Variants in WDR43 observed in about 807,000 individuals in gnomAD.
WDR43 encodes the protein WD repeat-containing protein 43.
In WDR43, 13 loss-of-function variants were observed where a neutral mutation model predicts 91.4. That is an observed-to-expected ratio of 0.14 (90% CI 0.09 to 0.23). WDR43 has a LOEUF of 0.23. Among genes scored for constraint, WDR43 ranks in the 10% least tolerant of loss-of-function variants. WDR43 has a pLI of 1.00. For synonymous variants in WDR43, 331 were observed against 287.9 expected (o/e 1.15, Z -1.51); for missense variants, 780 against 809.4 (o/e 0.96, Z 0.44).
At chr2:28,895,233 C>T (rs1173647662) in intron 1 of WDR43, 1 of 281,242 alleles carries the variant, frequency 3.6e-6, no homozygotes, top group Non-Finnish European at 6.6e-6. Flanking sequence ...CCCCCTGGGG[C>T]GGCTTCCTTC....
chr2:28,930,603 C>A (rs1671220221), intron 11 of WDR43, among the ~76,000 whole-genome samples: 3 of 151,950 alleles, frequency 2.0e-5, no homozygotes, highest in African/African-American at 7.3e-5. Context: ...GGCATAGAAA[C>A]CTGGGTGAAG....
rs563239354 is a variant in WDR43 at position 28,925,831 on chromosome 2, T to C, written c.1087-637T>C. On this transcript the variant is annotated intron_variant, in intron 8 of 17. Transcript: ENST00000407426. ...AAAAAAGGAGAAAAGTGTTAAGCTG[T>C]AAACATGGCTCCTTGCCATATGTGA... is the stretch of plus-strand genomic sequence containing the variant. Among the ~76,000 whole-genome samples, 99 of 152,360 alleles carry C rather than the reference T, an allele frequency of 6.5e-4. No individual in the cohort carries two copies. In the South Asian group the frequency reaches 0.013, roughly 19 times the overall value.
At chr2:28,941,736 G>T (rs1442992443) in intron 15 of WDR43, among the ~76,000 whole-genome samples, 162 bp downstream of exon 15, 1 of 152,142 alleles carries the variant, frequency 6.6e-6, no homozygotes, top group Non-Finnish European at 1.5e-5. Context: ...CTCCCAAGTA[G>T]CTGGGACTAC....
chr2:28,946,202 A>G (rs1300462483), intron 16 of WDR43, among the ~76,000 whole-genome samples: 2 of 152,090 alleles, frequency 1.3e-5, no homozygotes, highest in East Asian at 1.9e-4. Context: ...GCGGCTACTC[A>G]GGAGGCTGAG....
chr2:28,936,823 T>C, intron 12 of WDR43, 99 bp from the exon 13 acceptor site: 1 of 1,100,224 alleles, frequency 9.1e-7, no homozygotes. Context: ...GACTACTTAT[T>C]AGAATAATAA....
intron 13 of WDR43, 114 bp downstream of exon 13, chr2:28,937,067 C>A: frequency 2.1e-6 from 2 of 945,370 alleles, no homozygotes; most frequent in Non-Finnish European, 3.1e-6. Context: ...ATTAACCCCT[C>A]GCCACCTCCC....
chr2:28,930,955 C>T (rs184613994), intron 11 of WDR43, among the ~76,000 whole-genome samples: 1 of 152,136 alleles, frequency 6.6e-6, no homozygotes, highest in Non-Finnish European at 1.5e-5. Context: ...CAACTTAAAA[C>T]ATCCTTTAAA....
At chr2:28,916,509 A>AT (rs1670912990) in intron 5 of WDR43, among the ~76,000 whole-genome samples, 4 of 152,196 alleles carry the variant, frequency 2.6e-5, no homozygotes, top group Middle Eastern at 6.8e-3. Flanking sequence ...GGATGTTAAG[A>AT]TTCATGTTTT....
chr2:28,913,420 T>C (rs1670846185), intron 4 of WDR43, among the ~76,000 whole-genome samples: 1 of 152,104 alleles, frequency 6.6e-6, no homozygotes, highest in South Asian at 2.1e-4. Context: ...AGCCTTGACC[T>C]CCCAGGCTCA....
chr2:28,926,624 G>C (rs1671148699), intron 9 of WDR43, 70 bp downstream of exon 9: 3 of 1,316,156 alleles, frequency 2.3e-6, no homozygotes, highest in Non-Finnish European at 3.1e-6. Context: ...CTGTTACTTA[G>C]TATTATGATT....
At chr2:28,923,963 G>A (rs1671082595) in intron 7 of WDR43, among the ~76,000 whole-genome samples, 1 of 152,118 alleles carries the variant, frequency 6.6e-6, no homozygotes, top group Non-Finnish European at 1.5e-5. Context: ...GAGGGTGAAA[G>A]GCTAAAGTAG....
intron 15 of WDR43, among the ~76,000 whole-genome samples, 198 bp from the exon 16 acceptor site, chr2:28,942,114 G>T (rs1411655774): frequency 6.6e-6 from 1 of 152,132 alleles, no homozygotes; most frequent in Non-Finnish European, 1.5e-5. Context: ...TCACCTCAGA[G>T]TTTTTCAGCT....
chr2:28,934,101 A>AT (rs1393654953), intron 11 of WDR43, among the ~76,000 whole-genome samples: 4 of 152,212 alleles, frequency 2.6e-5, no homozygotes, highest in Non-Finnish European at 5.9e-5. Flanking sequence ...GGAGAAACAA[A>AT]TTGTTCATCT....
chr2:28,934,009 G>A (rs150363434), intron 11 of WDR43, among the ~76,000 whole-genome samples: 20 of 152,272 alleles, frequency 1.3e-4, no homozygotes, highest in Non-Finnish European at 2.4e-4. Context: ...ACACACATAC[G>A]TTCATACAAA....
At chr2:28,902,206 G>T (rs1190043786) in intron 2 of WDR43, 82 bp downstream of exon 2, 2 of 1,415,568 alleles carry the variant, frequency 1.4e-6, no homozygotes, top group African/African-American at 1.4e-5. Context: ...AACACTTCAA[G>T]GTATGTGATG....
intron 1 of WDR43, among the ~76,000 whole-genome samples, chr2:28,897,370 G>A (rs1312720314): frequency 2.0e-5 from 3 of 152,142 alleles, no homozygotes; most frequent in Non-Finnish European, 4.4e-5. Flanking sequence ...CTTAGTGTAT[G>A]AGGCATGAAA....
At chr2:28,942,624 T>TC (rs1671461986) in intron 16 of WDR43, among the ~76,000 whole-genome samples, 2 of 150,734 alleles carry the variant, frequency 1.3e-5, no homozygotes, top group African/African-American at 4.9e-5. Context: ...CTTTTCTTTT[T>TC]TTTTTTTTTT....
chr2:28,902,041 A>C lies in WDR43; in HGVS notation c.280A>C (p.Thr94Pro). Residue 94 changes from threonine to proline, a missense_variant, in exon 2 of 18, where the codon ACT (threonine) becomes CCT (proline). Thr to Pro is a conservative substitution (Grantham distance 38). Around this residue, in one of 4 missense-constraint regions of WDR43, gnomAD observed 174 missense variants for 207.3 expected, o/e 0.84. Transcript: ENST00000407426. Reference protein sequence around the residue: ...KSEAVGMSNQTDLLALGTAVG... With the variant: ...KSEAVGMSNQPDLLALGTAVG... Reference sequence around the variant, plus strand: ...AGAAGCTGTAGGAATGAGTAACCAGACTGACTTATTGGCTCTTGGCACAGC... The same window carrying C: ...AGAAGCTGTAGGAATGAGTAACCAGCCTGACTTATTGGCTCTTGGCACAGC... The C allele has an allele frequency of 6.2e-7, 1 of 1,610,904 alleles. No individual in the cohort carries two copies. The highest frequency in any genetic ancestry group is 8.5e-7 in the Non-Finnish European group (1 of 1,179,076).
At position 28,947,799 on chromosome 2, in the gene WDR43, A is replaced by G. The variant is rs1572608555; in HGVS notation, c.*1020A>G. ...CCTTTAAAATGATAAGTCTCACTCA[A>G]GATTTTTTATGTATGTATAAATATT... On this transcript the variant is annotated 3_prime_UTR_variant, in exon 18 of 18. Transcript: ENST00000407426. The G allele has an allele frequency of 6.6e-6, 1 of 150,948 alleles. No homozygotes were observed. The highest frequency in any genetic ancestry group is 2.4e-5 in the African/African-American group (1 of 41,128). 9.4% of individuals were successfully genotyped at this position (150,948 alleles called of 1,614,324 possible).
Sources: allele counts gnomAD v4.1 joint callset (sites outside exome capture counted in the v4.1 genomes callset), GRCh38; gene constraint gnomAD v4.1.1; regional missense constraint gnomAD v4.1.1; transcripts MANE v1.5; gene names NCBI Gene and HGNC (gene_info 2026-07-23, HGNC 2026-07-21).